Variants in KRABD4 observed in about 807,000 individuals in gnomAD.
KRABD4 encodes KRAB domain containing 4.
the KRABD4 span, chrX:46,463,322 G>C: frequency 3.5e-5 from 42 of 1,198,216 alleles, no homozygotes; most frequent in East Asian, 1.2e-3. Context: ...AGTCAGGCCG[G>C]GGAAAGGAGA....
At chrX:46,453,732 TA>T in the KRABD4 span, among the ~76,000 whole-genome samples, 1 of 112,104 alleles carries the variant, frequency 8.9e-6, no homozygotes, top group Non-Finnish European at 1.9e-5. Context: ...AAGAATACAG[TA>T]AAAAAGTCAT....
the KRABD4 span, chrX:46,456,912 G>GA: frequency 2.5e-4 from 77 of 309,445 alleles, no homozygotes; most frequent in African/African-American, 1.8e-3. Context: ...ACTGCGCTGA[G>GA]AAAAAACCCA....
At chrX:46,457,615 C>T in the KRABD4 span, among the ~76,000 whole-genome samples, 2 of 103,603 alleles carry the variant, frequency 1.9e-5, no homozygotes, top group South Asian at 8.4e-4. Flanking sequence ...TACTGTTTGC[C>T]TTTCAGAGTT....
the KRABD4 span, chrX:46,462,890 AC>A: frequency 1.3e-5 from 16 of 1,209,727 alleles, no homozygotes; most frequent in Non-Finnish European, 1.8e-5. Context: ...GGACCGTGCC[AC>A]AGGGTGATGC....
At chrX:46,459,079 G>A in the KRABD4 span, among the ~76,000 whole-genome samples, 24 of 111,529 alleles carry the variant, frequency 2.2e-4, no homozygotes, top group Non-Finnish European at 3.2e-4. Flanking sequence ...TTGGGAGGCC[G>A]AGGTGGGTGG....
the KRABD4 span, among the ~76,000 whole-genome samples, chrX:46,463,853 C>T: frequency 8.2e-5 from 9 of 109,618 alleles, no homozygotes; most frequent in Non-Finnish European, 1.7e-4. Flanking sequence ...TGACCTTTAC[C>T]CAGCCAGGTA....
the KRABD4 span, among the ~76,000 whole-genome samples, chrX:46,465,321 AC>A: frequency 3.1e-3 from 350 of 112,350 alleles, 3 homozygotes; most frequent in Middle Eastern, 0.014. Flanking sequence ...ATTGTTTTGG[AC>A]CTGGGCAGAG....
At chrX:46,459,174 C>T in the KRABD4 span, among the ~76,000 whole-genome samples, 1 of 109,784 alleles carries the variant, frequency 9.1e-6, no homozygotes, top group Non-Finnish European at 1.9e-5. Context: ...ATTAGCCAGG[C>T]ATGGTGGCGC....
chrX:46,459,828 A>G, the KRABD4 span, among the ~76,000 whole-genome samples: 1 of 111,768 alleles, frequency 8.9e-6, no homozygotes, highest in South Asian at 3.8e-4. Context: ...CTGACACCAT[A>G]TGTAATCCCA....
At chrX:46,455,852 G>A in the KRABD4 span, 2 of 335,992 alleles carry the variant, frequency 6.0e-6, no homozygotes, top group Non-Finnish European at 1.1e-5. Context: ...GGTAGACCTT[G>A]AGTCAAATCA....
At chrX:46,461,030 C>G in the KRABD4 span, among the ~76,000 whole-genome samples, 1 of 101,390 alleles carries the variant, frequency 9.9e-6, no homozygotes, top group African/African-American at 3.7e-5. Context: ...AGAGGCTATT[C>G]CAAGGGTTGC....
At chrX:46,450,459 G>A in the KRABD4 span, 1 of 1,208,628 alleles carries the variant, frequency 8.3e-7, no homozygotes, top group East Asian at 3.0e-5. Context: ...GAGCAGAACA[G>A]GATGGCCATG....
the KRABD4 span, chrX:46,455,131 G>A: frequency 9.6e-6 from 7 of 730,600 alleles, no homozygotes; most frequent in Non-Finnish European, 1.2e-5. Context: ...TAGGTTTACA[G>A]GAGACAAGGA....
At chrX:46,456,426 A>G in the KRABD4 span, 1 of 125,578 alleles carries the variant, frequency 8.0e-6, no homozygotes, top group Non-Finnish European at 1.6e-5. Flanking sequence ...AAGCAAAAGT[A>G]TAAATCCTCT....
the KRABD4 span, chrX:46,457,233 G>A: frequency 4.9e-6 from 1 of 202,802 alleles, no homozygotes; most frequent in Admixed American, 7.3e-5. Context: ...CAGCACGATG[G>A]GAAATCAGAA....
At chrX:46,450,627 C>G in the KRABD4 span, 2 of 450,476 alleles carry the variant, frequency 4.4e-6, no homozygotes, top group South Asian at 5.0e-5. Flanking sequence ...TGATCCTCCC[C>G]GTCACCAGGA....
the KRABD4 span, among the ~76,000 whole-genome samples, chrX:46,448,951 G>C: frequency 8.9e-6 from 1 of 112,314 alleles, no homozygotes; most frequent in East Asian, 2.8e-4. Context: ...GTAGTCTCTA[G>C]GTACGCTGTC....
the KRABD4 span, chrX:46,463,559 G>C: frequency 9.1e-5 from 39 of 429,161 alleles, no homozygotes; most frequent in African/African-American, 7.7e-4. Context: ...CTCCTGGCTT[G>C]TTAGTGAGAA....
the KRABD4 span, among the ~76,000 whole-genome samples, chrX:46,469,953 T>C: frequency 3.6e-5 from 4 of 111,395 alleles, no homozygotes; most frequent in Non-Finnish European, 7.6e-5. Context: ...TATGATGGTG[T>C]TTTTTTCTCC....
Sources: allele counts gnomAD v4.1 joint callset (sites outside exome capture counted in the v4.1 genomes callset), GRCh38; gene constraint gnomAD v4.1.1; transcripts MANE v1.5; gene names NCBI Gene and HGNC (gene_info 2026-07-23, HGNC 2026-07-21).